MNAT1: variants seen among roughly 807,000 people sequenced by gnomAD.
MNAT1 encodes the protein MNAT1 component of CDK activating kinase.
A neutral mutation model predicts 42.0 loss-of-function variants in MNAT1; 43 were observed. The observed-to-expected ratio is 1.02, with a 90% CI of 0.80 to 1.32. The LOEUF (loss-of-function observed/expected upper bound fraction) is 1.32. MNAT1 is among the 40% of genes most tolerant of loss of function. MNAT1 has a pLI of 0.00. For synonymous variants in MNAT1, 118 were observed against 120.0 expected, an observed-to-expected ratio of 0.98 and a Z score of 0.11; for missense variants, 306 against 350.4, an observed-to-expected ratio of 0.87 and a Z score of 1.01.
At chr14:60,873,175 G>A (rs1228633598) in intron 6 of MNAT1, among the ~76,000 whole-genome samples, 18 of 151,858 alleles carry the variant, frequency 1.2e-4, no homozygotes, top group Non-Finnish European at 1.3e-4. Flanking sequence ...TCTTAATTCT[G>A]TCTTAATCTT....
At position 60,885,802 on chromosome 14, in the gene MNAT1, T is replaced by C. The variant is rs563405156; in HGVS notation, c.809+5967T>C. Among the ~76,000 whole-genome samples, 16 of 152,186 alleles carry C rather than the reference T, an allele frequency of 1.1e-4. 1 individual carries two copies. In the South Asian group the frequency reaches 3.3e-3, roughly 32 times the overall value. The stretch of plus-strand genomic sequence containing the variant: ...CTCTATTTGTTTATTTTCAGTTTTG[T>C]TGCGTATTTGGTGTCTTATCCAGAA... On this transcript the variant is annotated intron_variant, in intron 7 of 7. Transcript: ENST00000261245.
At chr14:60,876,161 C>T (rs867305943) in intron 6 of MNAT1, among the ~76,000 whole-genome samples, 6 of 152,042 alleles carry the variant, frequency 3.9e-5, no homozygotes, top group African/African-American at 7.2e-5. Flanking sequence ...AAATATCCCA[C>T]TCAGGCACTG....
chr14:60,737,671 C>T (rs1429058701), intron 1 of MNAT1, among the ~76,000 whole-genome samples: 1 of 151,696 alleles, frequency 6.6e-6, no homozygotes, highest in African/African-American at 2.4e-5. Context: ...AGGTAATGTC[C>T]AGTAGTAGAA....
At position 60,896,777 on chromosome 14, in the gene MNAT1, C is replaced by T. The variant is rs574408188; in HGVS notation, c.809+16942C>T. ...CTGGGATTACAGGCATGAGCCACCG[C>T]GCCTGGCCATAACTACTATTTTCAC... On this transcript the variant is annotated intron_variant, in intron 7 of 7. Transcript: ENST00000261245. Among the ~76,000 whole-genome samples the T allele has an allele frequency of 7.9e-5, 12 of 152,158 alleles. 1 individual carries two copies. In the South Asian group the frequency reaches 1.0e-3, roughly 13 times the overall value.
chr14:60,787,890 G>A (rs1223935363), intron 1 of MNAT1, among the ~76,000 whole-genome samples: 2 of 152,138 alleles, frequency 1.3e-5, no homozygotes, highest in Non-Finnish European at 2.9e-5. Context: ...CTCCACTGAA[G>A]TCAGACCCTG....
chr14:60,789,873 G>T (rs1173181925), intron 1 of MNAT1, among the ~76,000 whole-genome samples: 1 of 152,196 alleles, frequency 6.6e-6, no homozygotes, highest in African/African-American at 2.4e-5. Flanking sequence ...AGTATAATTT[G>T]TTGAGCTGTT....
chr14:60,928,937 A>G (rs956628803), intron 7 of MNAT1, among the ~76,000 whole-genome samples: 2 of 151,186 alleles, frequency 1.3e-5, no homozygotes, highest in Non-Finnish European at 1.5e-5. Context: ...TTACGAGGTC[A>G]GGAGATCAAG....
intron 6 of MNAT1, among the ~76,000 whole-genome samples, chr14:60,854,917 G>T (rs929933917): frequency 6.6e-6 from 1 of 152,176 alleles, no homozygotes; most frequent in East Asian, 1.9e-4. Flanking sequence ...CTGGGCCCAT[G>T]GTCACCCCTT....
At chr14:60,936,859 C>A (rs1288145019) in intron 7 of MNAT1, among the ~76,000 whole-genome samples, 4 of 152,230 alleles carry the variant, frequency 2.6e-5, no homozygotes, top group East Asian at 3.9e-4. Flanking sequence ...AAAAGTGTTC[C>A]TATTTCTCCA....
chr14:60,929,164 A>ATATATATAT (rs1396036965), intron 7 of MNAT1, among the ~76,000 whole-genome samples: 6 of 119,342 alleles, frequency 5.0e-5, no homozygotes, highest in African/African-American at 1.5e-4. Flanking sequence ...AAAAAAAAAA[A>ATATATATAT]AAAAAAATAT....
intron 6 of MNAT1, among the ~76,000 whole-genome samples, chr14:60,819,415 A>T (rs2032813904): frequency 6.6e-6 from 1 of 151,292 alleles, no homozygotes. Flanking sequence ...GAAAATATAT[A>T]CTTTGGCATA....
chr14:60,901,624 C>G (rs2035074238), intron 7 of MNAT1, among the ~76,000 whole-genome samples: 1 of 152,154 alleles, frequency 6.6e-6, no homozygotes, highest in African/African-American at 2.4e-5. Flanking sequence ...GGGAGGAGGT[C>G]AGAATATCAG....
chr14:60,906,175 A>G (rs1309458533), intron 7 of MNAT1, among the ~76,000 whole-genome samples: 1 of 152,166 alleles, frequency 6.6e-6, no homozygotes, highest in Non-Finnish European at 1.5e-5. Context: ...AGGAGTGCAG[A>G]ATGTCTGGAG....
At chr14:60,945,684 C>A (rs1489025135) in intron 7 of MNAT1, among the ~76,000 whole-genome samples, 2 of 152,116 alleles carry the variant, frequency 1.3e-5, no homozygotes, top group East Asian at 3.9e-4. Flanking sequence ...CATTTGAATA[C>A]AAATAATAAT....
chr14:60,773,231 C>A (rs1229974042), intron 1 of MNAT1, among the ~76,000 whole-genome samples: 1 of 152,148 alleles, frequency 6.6e-6, no homozygotes, highest in Admixed American at 6.5e-5. Context: ...GCCACCACGC[C>A]TGGCCTGTTT....
intron 1 of MNAT1, among the ~76,000 whole-genome samples, chr14:60,760,271 T>C (rs1345289460): frequency 6.6e-6 from 1 of 152,202 alleles, no homozygotes; most frequent in Non-Finnish European, 1.5e-5. Flanking sequence ...TTTCTTTATA[T>C]GGATATTGCT....
At chr14:60,895,053 C>T (rs2034923325) in intron 7 of MNAT1, among the ~76,000 whole-genome samples, 1 of 152,146 alleles carries the variant, frequency 6.6e-6, no homozygotes, top group South Asian at 2.1e-4. Flanking sequence ...CTTCAGTCTT[C>T]TACCTTGACA....
chr14:60,769,346 A>G (rs1442093902), intron 1 of MNAT1, among the ~76,000 whole-genome samples: 1 of 152,188 alleles, frequency 6.6e-6, no homozygotes, highest in African/African-American at 2.4e-5. Context: ...AACATAACTC[A>G]CTGCAACTTT....
At chr14:60,869,493 A>G (rs958221559) in intron 6 of MNAT1, among the ~76,000 whole-genome samples, 1 of 152,164 alleles carries the variant, frequency 6.6e-6, no homozygotes, top group African/African-American at 2.4e-5. Flanking sequence ...ACAATTACAC[A>G]GAGTTTAACA....
Sources: gnomAD v4.1 joint callset for allele counts (sites outside exome capture counted in the v4.1 genomes callset) on GRCh38, gnomAD v4.1.1 for gene constraint, MANE v1.5 for transcripts, NCBI Gene and HGNC (gene_info 2026-07-23, HGNC 2026-07-21) for gene names.